Variants in SEC14L2 observed in about 807,000 individuals in gnomAD.
SEC14L2 encodes SEC14 like lipid binding 2.
Under a neutral mutation model 56.9 loss-of-function variants are expected in SEC14L2, and 50 were observed. The ratio of observed to expected loss-of-function variants is 0.88; its 90% CI spans 0.70 to 1.11. The LOEUF (loss-of-function observed/expected upper bound fraction) is 1.11, where lower values mean the gene tolerates loss of function less well. SEC14L2 is among the 50% of genes most tolerant of loss of function. SEC14L2 has a pLI of 0.00. For missense variants in SEC14L2, 414 were observed against 500.7 expected (o/e 0.83, Z 1.65); for synonymous variants, 179 against 188.5 (o/e 0.95, Z 0.41).
At chr22:30,412,272 A>C (rs1202071043) in intron 8 of SEC14L2, among the ~76,000 whole-genome samples, 2 of 152,158 alleles carry the variant, frequency 1.3e-5, no homozygotes, top group Non-Finnish European at 2.9e-5. Context: ...AAAAGTAAAA[A>C]ATTAGCTGTG....
rs773685169 is a variant in SEC14L2 at position 30,397,160 on chromosome 22, C to G, written c.44C>G (p.Ala15Gly). The change falls in exon 1 of 12, where the codon GCA (alanine) becomes GGA (glycine). Residue 15 changes from alanine (A) to glycine (G), a missense_variant. Transcript: ENST00000615189. ...GATCTGAGCCCCAGGCAGAAGGAGG[C>G]ATTGGCCAAGGTGAGCTGTAGCCCT... ...VGDLSPRQKE[A>G]LAKFRENVQD... 5 of 1,543,800 alleles carry G rather than the reference C, an allele frequency of 3.2e-6. No individual in the cohort carries two copies. Among genetic ancestry groups the G allele is most frequent in the Admixed American group, 2.0e-5 (1 of 50,504 alleles).
At chr22:30,404,620 AG>A (rs1360366686) in intron 2 of SEC14L2, among the ~76,000 whole-genome samples, 1 of 152,226 alleles carries the variant, frequency 6.6e-6, no homozygotes, top group East Asian at 1.9e-4. Context: ...GATGGACTGA[AG>A]TTGACTGTAA....
intron 1 of SEC14L2, chr22:30,397,953 C>T (rs1933805312): frequency 2.2e-6 from 1 of 463,972 alleles, no homozygotes; most frequent in Non-Finnish European, 4.4e-6. Context: ...CGAACTAAAT[C>T]TCTTATCTGT....
At chr22:30,408,388 T>C (rs565158674) in intron 5 of SEC14L2, among the ~76,000 whole-genome samples, 3 of 152,056 alleles carry the variant, frequency 2.0e-5, no homozygotes, top group African/African-American at 7.2e-5. Context: ...GCCCAAGAGT[T>C]CAAGACCAGC....
Position 30,406,383 on chromosome 22 carries a change from A to C in SEC14L2, c.172A>C (p.Lys58Gln). The C allele has an allele frequency of 1.2e-6, 2 of 1,614,078 alleles. No individual in the cohort carries two copies. The highest frequency in any genetic ancestry group is 1.7e-6 in the Non-Finnish European group (2 of 1,179,954). The change falls in exon 3 of 12, where the codon AAG (lysine) becomes CAG (glutamine). Residue 58 changes from lysine (K) to glutamine (Q), a missense_variant and splice_region_variant. By Grantham distance (53) the Lys-to-Gln change is moderately conservative. Transcript: ENST00000615189. ...DLQKSEAMLR[K>Q]HVEFRKQKDI... ...GCAGAAGTCGGAGGCCATGCTCCGG[A>C]AGGTGAGACACATTTGGCTGTTGCT...
intron 1 of SEC14L2, 74 bp downstream of exon 1, chr22:30,397,244 G>A: frequency 8.5e-6 from 11 of 1,292,100 alleles, no homozygotes; most frequent in Middle Eastern, 2.5e-4. Flanking sequence ...GAGAAGGGAC[G>A]GGGCTGGGTG....
At chr22:30,417,936 G>A (rs918392396) in intron 11 of SEC14L2, among the ~76,000 whole-genome samples, 5 of 151,968 alleles carry the variant, frequency 3.3e-5, no homozygotes, top group African/African-American at 4.8e-5. Flanking sequence ...TGGGGGAGGC[G>A]GAATATTCTT....
At chr22:30,412,201 G>A (rs1210531734) in intron 8 of SEC14L2, among the ~76,000 whole-genome samples, 1 of 152,054 alleles carries the variant, frequency 6.6e-6, no homozygotes, top group African/African-American at 2.4e-5. Flanking sequence ...TTTAAACCAA[G>A]ACACAGTACT....
At chr22:30,404,762 G>A (rs1934044613) in intron 2 of SEC14L2, among the ~76,000 whole-genome samples, 1 of 152,154 alleles carries the variant, frequency 6.6e-6, no homozygotes, top group African/African-American at 2.4e-5. Flanking sequence ...AGTTAAGGGT[G>A]TTGCCTGTTG....
Position 30,410,678 on chromosome 22 carries a change from A to C in SEC14L2, c.663A>C (p.Gly221=). ...CTCGTAAGAAGATCATGGTCCTGGGAGGTAAGTGGTCCAGACTGTTCTCAA... is the reference window on the plus strand; with the variant it reads ...CTCGTAAGAAGATCATGGTCCTGGGCGGTAAGTGGTCCAGACTGTTCTCAA... ...EDTRKKIMVL[G]ANWKEVLLKH... Residue 221 remains glycine (G), a splice_region_variant and synonymous_variant, in exon 8 of 12, where the codon GGA becomes GGC. Coordinates refer to ENST00000615189, the MANE Select transcript of SEC14L2 (RefSeq NM_012429.5). 2 of 1,613,838 alleles carry C rather than the reference A, an allele frequency of 1.2e-6. No homozygotes were observed. Among genetic ancestry groups the C allele is most frequent in the Non-Finnish European group, 1.7e-6 (2 of 1,179,746 alleles).
At chr22:30,397,984 G>A (rs1446746384) in intron 1 of SEC14L2, 8 of 429,884 alleles carry the variant, frequency 1.9e-5, no homozygotes, top group African/African-American at 1.6e-4. Flanking sequence ...GAGTGAGGAG[G>A]TCGGCTCTTC....
At chr22:30,397,208 T>C in intron 1 of SEC14L2, 38 bp downstream of exon 1, 3 of 1,475,378 alleles carry the variant, frequency 2.0e-6, no homozygotes, top group South Asian at 1.3e-5. Flanking sequence ...CGCCTCGGGC[T>C]GTGGCCCTCG....
At chr22:30,416,856 G>A (rs1159347135) in intron 11 of SEC14L2, 1 of 1,059,894 alleles carries the variant, frequency 9.4e-7, no homozygotes, top group Non-Finnish European at 1.1e-6. Flanking sequence ...ACCAAAGAAT[G>A]GACACAGACT....
intron 5 of SEC14L2, 55 bp downstream of exon 5, chr22:30,407,658 A>G (rs1934135576): frequency 6.6e-7 from 1 of 1,510,576 alleles, no homozygotes; most frequent in South Asian, 1.2e-5. Flanking sequence ...GCATTCCAGC[A>G]GAAGCAGGGA....
intron 8 of SEC14L2, among the ~76,000 whole-genome samples, chr22:30,412,293 C>T (rs1215132793): frequency 6.6e-6 from 1 of 152,064 alleles, no homozygotes; most frequent in Non-Finnish European, 1.5e-5. Flanking sequence ...CATAGTGGCA[C>T]ATACCAGCTA....
intron 1 of SEC14L2, 125 bp from the exon 2 acceptor site, chr22:30,399,513 CAAAAA>C (rs60817387): frequency 0.016 from 3,914 of 241,038 alleles, no homozygotes; most frequent in South Asian, 0.038. Flanking sequence ...GACTCTATCT[CAAAAA>C]AAAAAAAAAA....
chr22:30,405,730 ATAG>A (rs1461170510), intron 2 of SEC14L2, among the ~76,000 whole-genome samples: 1 of 151,994 alleles, frequency 6.6e-6, no homozygotes, highest in Non-Finnish European at 1.5e-5. Flanking sequence ...AGGCTGGAGT[ATAG>A]TAGCGAGATC....
At position 30,424,940 on chromosome 22, in the gene SEC14L2, T is replaced by C; in HGVS notation, c.*2533T>C. The stretch of plus-strand genomic sequence containing the variant: ...CATCCTGTCCCCAAGAAGCTCAGTC[T>C]GGGGACATACTGATCCAGTTAAATG... On this transcript the variant is annotated 3_prime_UTR_variant, in exon 12 of 12. Coordinates refer to ENST00000615189, the MANE Select transcript of SEC14L2 (RefSeq NM_012429.5). 1 of 419,006 alleles carries C rather than the reference T, an allele frequency of 2.4e-6. No homozygotes were observed. Among genetic ancestry groups the C allele is most frequent in the South Asian group, 1.7e-5 (1 of 57,426 alleles). The allele number at this position is 419,006 out of a possible 1,614,324, so 26.0% of individuals were successfully genotyped here. A position where few individuals can be genotyped will look rare whatever the true frequency, so the allele number is the denominator to read the frequency against.
Position 30,416,018 on chromosome 22 carries a change from G to C in SEC14L2, c.842G>C (p.Ser281Thr), listed in dbSNP as rs1465901523. 1 of 1,614,118 alleles carries C rather than the reference G, an allele frequency of 6.2e-7. No individual in the cohort carries two copies. Among genetic ancestry groups the C allele is most frequent in the Non-Finnish European group, 8.5e-7 (1 of 1,180,054 alleles). The change falls in exon 10 of 12, where the codon AGC becomes ACC. Residue 281 changes from serine (S) to threonine (T), a missense_variant. Transcript: ENST00000615189. ...RDQVKQQYEH[S>T]VQISRGSSHQ... The stretch of plus-strand genomic sequence containing the variant: ...CAGGTGAAACAGCAGTATGAACACA[G>C]CGTGCAGATTTCCCGTGGCTCCTCC...
Sources: allele counts gnomAD v4.1 joint callset (sites outside exome capture counted in the v4.1 genomes callset), GRCh38; gene constraint gnomAD v4.1.1; transcripts MANE v1.5; gene names NCBI Gene and HGNC (gene_info 2026-07-23, HGNC 2026-07-21).